The following PSMG2 variants were observed in gnomAD, a reference collection of about 807,000 sequenced individuals.
PSMG2 encodes the protein proteasome assembly chaperone 2.
In PSMG2, 21 loss-of-function variants were observed where a neutral mutation model predicts 31.5. The ratio of observed to expected loss-of-function variants is 0.67; its 90% CI spans 0.47 to 0.96. The LOEUF (loss-of-function observed/expected upper bound fraction) is 0.96, where lower values mean the gene tolerates loss of function less well. Ranked by LOEUF, PSMG2 falls within the 40% of genes least tolerant of loss-of-function variation. The pLI is 0.00. For missense variants in PSMG2, 318 were observed against 321.2 expected (o/e 0.99, Z 0.08); for synonymous variants, 120 against 110.4 (o/e 1.09, Z -0.54).
chr18:12,677,159 G>C (rs758771611), intron 1 of PSMG2, among the ~76,000 whole-genome samples: 29 of 152,030 alleles, frequency 1.9e-4, no homozygotes, highest in Non-Finnish European at 3.5e-4. Context: ...TATTTGACAA[G>C]AGGCTTGATC....
chr18:12,723,780 G>C (rs1254575609), intron 5 of PSMG2, among the ~76,000 whole-genome samples: 1 of 152,096 alleles, frequency 6.6e-6, no homozygotes, highest in Non-Finnish European at 1.5e-5. Flanking sequence ...TAAGCATTTT[G>C]CCTCCACTAC....
intron 1 of PSMG2, chr18:12,671,191 G>A: frequency 6.6e-6 from 1 of 151,926 alleles, no homozygotes; most frequent in East Asian, 1.9e-4. Flanking sequence ...CCATCCTCTG[G>A]CCGCAGCCTC....
chr18:12,685,449 G>T (rs982787010), intron 1 of PSMG2: 58 of 152,078 alleles, frequency 3.8e-4, no homozygotes, highest in African/African-American at 1.4e-3. Context: ...CTACATCACA[G>T]AAATCACAAT....
upstream of PSMG2, chr18:12,700,861 A>T: frequency 1.1e-6 from 1 of 940,488 alleles, no homozygotes; most frequent in South Asian, 1.7e-5. Context: ...AAGTGGTTTT[A>T]CTAAAACGAA....
intron 1 of PSMG2, among the ~76,000 whole-genome samples, chr18:12,662,896 C>T (rs905077208): frequency 6.6e-6 from 1 of 152,138 alleles, no homozygotes; most frequent in Non-Finnish European, 1.5e-5. Context: ...GCAATAATCA[C>T]GTTTCACCTA....
At chr18:12,702,730 C>CCGG (rs1170610508), upstream of PSMG2, 116 of 650,756 alleles carry the variant, frequency 1.8e-4, 1 homozygote, top group African/African-American at 1.8e-3. Context: ...AAATGAGGCC[C>CCGG]CGGCGGCGGC....
chr18:12,663,667 G>C (rs2038744309), intron 1 of PSMG2, among the ~76,000 whole-genome samples: 1 of 152,172 alleles, frequency 6.6e-6, no homozygotes, highest in Non-Finnish European at 1.5e-5. Flanking sequence ...AGAGTTTTGT[G>C]TTGTGTAAAT....
At chr18:12,668,947 G>A (rs1291014425) in intron 1 of PSMG2, among the ~76,000 whole-genome samples, 1 of 149,618 alleles carries the variant, frequency 6.7e-6, no homozygotes, top group African/African-American at 2.5e-5. Context: ...CATCAAGTTG[G>A]CCAGGCTGGT....
chr18:12,678,368 G>T, intron 1 of PSMG2: 1 of 1,614,102 alleles, frequency 6.2e-7, no homozygotes, highest in African/African-American at 1.3e-5. Context: ...ACAACCAATT[G>T]TTCGATATGG....
intron 1 of PSMG2, among the ~76,000 whole-genome samples, chr18:12,659,608 T>C (rs1403633555): frequency 6.6e-6 from 1 of 151,902 alleles, no homozygotes; most frequent in African/African-American, 2.4e-5. Flanking sequence ...AGGTGGAAGT[T>C]GCAATGAGCC....
chr18:12,682,046 G>GA (rs1351249855), intron 1 of PSMG2, among the ~76,000 whole-genome samples: 1 of 151,946 alleles, frequency 6.6e-6, no homozygotes, highest in South Asian at 2.1e-4. Flanking sequence ...TGTGTTCTGT[G>GA]AAAAAAATTA....
At chr18:12,658,858 T>C in intron 1 of PSMG2, 1 of 306,228 alleles carries the variant, frequency 3.3e-6, no homozygotes, top group South Asian at 2.6e-5. Flanking sequence ...AATATAAACA[T>C]GTACATAATT....
Position 12,680,881 on chromosome 18 carries a change from A to G in PSMG2, c.-37+22108A>G, listed in dbSNP as rs2039322991. On this transcript the variant is annotated intron_variant, in intron 1 of 6. Coordinates refer to the PSMG2 transcript ENST00000585331. The stretch of plus-strand genomic sequence containing the variant: ...CATTCTTCCATATTATTTCCTCATT[A>G]CATACTTAAATACTAAATTATAATA... 29 of 1,455,074 alleles carry G rather than the reference A, an allele frequency of 2.0e-5. No individual in the cohort carries two copies. In the South Asian group the frequency reaches 3.7e-4, roughly 18 times the overall value. 90.1% of individuals were successfully genotyped at this position (1,455,074 alleles called of 1,614,324 possible).
chr18:12,707,142 A>G (rs1162326464), intron 2 of PSMG2, among the ~76,000 whole-genome samples: 1 of 152,070 alleles, frequency 6.6e-6, no homozygotes, highest in Non-Finnish European at 1.5e-5. Context: ...TTTTTTTAGT[A>G]GAGACGGGGG....
chr18:12,661,957 A>T (rs1040665747), intron 1 of PSMG2: 2 of 258,492 alleles, frequency 7.7e-6, no homozygotes, highest in African/African-American at 2.3e-5. Context: ...TCTGAATATG[A>T]TTTTGTTTTG....
intron 1 of PSMG2, among the ~76,000 whole-genome samples, chr18:12,659,737 C>G (rs1011340805): frequency 6.6e-6 from 1 of 152,006 alleles, no homozygotes; most frequent in Non-Finnish European, 1.5e-5. Flanking sequence ...AATTTCAGTA[C>G]GAGAGAGACA....
At position 12,671,763 on chromosome 18, in the gene PSMG2, C is replaced by T. The variant is rs1292169844; in HGVS notation, c.-37+12990C>T. Among the ~76,000 whole-genome samples the T allele has an allele frequency of 2.0e-5, 3 of 151,322 alleles. No homozygotes were observed. The East Asian group carries it at 5.8e-4, about 29-fold the overall frequency. On this transcript the variant is annotated intron_variant, in intron 1 of 6. Coordinates refer to the PSMG2 transcript ENST00000585331. The stretch of plus-strand genomic sequence containing the variant: ...TCAAGCGATCCTTCCGCCTCAGACT[C>T]CCGAGTAGCTTGGATTATGGGTGTG...
intron 1 of PSMG2, among the ~76,000 whole-genome samples, chr18:12,691,810 T>C (rs996018974): frequency 1.3e-5 from 2 of 151,300 alleles, no homozygotes; most frequent in African/African-American, 2.4e-5. Context: ...CTGCCTCCCA[T>C]GTTCAAGCAA....
intron 1 of PSMG2, among the ~76,000 whole-genome samples, chr18:12,668,320 C>A (rs1202168508): frequency 6.6e-6 from 1 of 151,186 alleles, no homozygotes; most frequent in Non-Finnish European, 1.5e-5. Flanking sequence ...GGCTGGGTGC[C>A]GTCGCAGATG....
Sources: allele counts gnomAD v4.1 joint callset (sites outside exome capture counted in the v4.1 genomes callset), GRCh38; gene constraint gnomAD v4.1.1; transcripts MANE v1.5; gene names NCBI Gene and HGNC (gene_info 2026-07-23, HGNC 2026-07-21).